Variants in XPNPEP2 observed in about 807,000 individuals in gnomAD.
XPNPEP2 encodes the protein xaa-Pro aminopeptidase 2.
A neutral mutation model predicts 59.8 loss-of-function variants in XPNPEP2; 64 were observed. The observed-to-expected ratio is 1.07, with a 90% CI of 0.87 to 1.32. The LOEUF is 1.32. Ranked by LOEUF, XPNPEP2 falls within the 40% of genes most tolerant of loss-of-function variation. The pLI, the probability that XPNPEP2 is intolerant of heterozygous loss-of-function variation, is 0.00. For missense variants in XPNPEP2, 575 were observed against 546.8 expected (o/e 1.05, Z -0.51); for synonymous variants, 235 against 210.0 (o/e 1.12, Z -1.03).
intron 15 of XPNPEP2, 71 bp from the exon 16 acceptor site, chrX:129,760,441 A>G: frequency 1.8e-6 from 2 of 1,088,469 alleles, no homozygotes; most frequent in South Asian, 2.0e-5. Flanking sequence ...GTGTATCCAT[A>G]GGCCAAGCAG....
intron 15 of XPNPEP2, among the ~76,000 whole-genome samples, chrX:129,760,188 G>A (rs776146003): frequency 4.4e-4 from 50 of 112,694 alleles, no homozygotes; most frequent in African/African-American, 1.5e-3. Context: ...AGGTCTCAGA[G>A]TGAGTGGCTA....
intron 19 of XPNPEP2, among the ~76,000 whole-genome samples, chrX:129,763,683 A>C (rs1421330524): frequency 1.8e-5 from 2 of 111,239 alleles, no homozygotes; most frequent in South Asian, 7.6e-4. Context: ...AAAAAAAAGC[A>C]ATAAGAAAAG....
rs752282415 is a variant in XPNPEP2, at chrX:129,760,533, A to T, written c.1450A>T (p.Ile484Leu). Residue 484 changes from isoleucine to leucine, a missense_variant, in exon 16 of 21, where the codon ATA becomes TTA. Physicochemically the swap from Ile to Leu is conservative, Grantham distance 5. Coordinates refer to ENST00000371106, the MANE Select transcript of XPNPEP2 (RefSeq NM_003399.6). ...TCAGGAGGCATACACCCGTGTGCTG[A>T]TAGGAAATATTGACCTGTCCAGGCT... is the stretch of plus-strand genomic sequence containing the variant. Reference protein sequence around the residue: ...FQKEAYTRVLIGNIDLSRLIF... With the variant: ...FQKEAYTRVLLGNIDLSRLIF... 4.1e-6 allele frequency: 5 copies of T among 1,210,768 alleles called. No individual in the cohort carries two copies. In the African/African-American group the frequency reaches 8.7e-5, roughly 21 times the overall value.
At chrX:129,755,236 G>A (rs1174336484) in intron 12 of XPNPEP2, 58 bp from the exon 13 acceptor site, 41 of 1,103,846 alleles carry the variant, frequency 3.7e-5, no homozygotes, top group South Asian at 9.3e-5. Context: ...TAGATATCCC[G>A]GGCCCAGCCT....
rs766580938 is a variant in XPNPEP2, at chrX:129,762,034, C to T, written c.1632C>T (p.Ile544=). The T allele has an allele frequency of 9.9e-6, 12 of 1,210,183 alleles. No homozygotes were observed. The East Asian group carries it at 1.8e-4, about 18-fold the overall frequency. Residue 544 remains isoleucine, a synonymous_variant, in exon 18 of 21, where the codon ATC becomes ATT. Transcript: ENST00000371106. The part of the protein sequence containing the change: ...EWPVGFQSNN[I]AMAKGMFTSI... The stretch of plus-strand genomic sequence containing the variant: ...CAGTGGGATTCCAGTCCAACAACAT[C>T]GCTATGGCCAAGGGCATGTTCACTT...
chrX:129,757,287 C>T (rs1926543708), intron 14 of XPNPEP2, among the ~76,000 whole-genome samples: 1 of 108,283 alleles, frequency 9.2e-6, no homozygotes, highest in African/African-American at 3.4e-5. Context: ...AGCAACTATA[C>T]TCAATGTCCC....
At chrX:129,744,124 C>A in intron 3 of XPNPEP2, 53 bp downstream of exon 3, 1 of 1,044,972 alleles carries the variant, frequency 9.6e-7, no homozygotes, top group Non-Finnish European at 1.3e-6. Flanking sequence ...GGGTCAGAGA[C>A]CACAAACAGG....
chrX:129,769,453 T>C lies in XPNPEP2; in HGVS notation c.*968T>C, dbSNP rs2124057865. 8.9e-6 allele frequency: 1 copy of C among 112,431 alleles called. No homozygotes were observed. Among genetic ancestry groups the C allele is most frequent in the South Asian group, 3.7e-4 (1 of 2,736 alleles). 9.3% of individuals were successfully genotyped at this position (112,431 alleles called of 1,213,427 possible). A position where few individuals can be genotyped will look rare whatever the true frequency, so the allele number is the denominator to read the frequency against. On this transcript the variant is annotated 3_prime_UTR_variant, in exon 21 of 21. Transcript: ENST00000371106. ...TCCTCATTCTCTGAACCCACTGTGG[T>C]GAGAAGAATTTGCTCCGGCCAAATT...
At chrX:129,742,267 C>A (rs1268079287) in intron 2 of XPNPEP2, 86 bp downstream of exon 2, 16 of 495,353 alleles carry the variant, frequency 3.2e-5, no homozygotes, top group African/African-American at 2.9e-4. Flanking sequence ...CACCGCAGCA[C>A]CCCCGCCCTG....
rs961077236 is a variant in XPNPEP2 at position 129,745,862 on chromosome X, T to G, written c.299-374T>G. The stretch of plus-strand genomic sequence containing the variant: ...CTCTTTTTCCCTTTGCCAAAGTCTC[T>G]GGATTATTCTTGCCCAGCAGTCCTC... On this transcript the variant is annotated intron_variant, in intron 4 of 20. Transcript: ENST00000371106. Among the ~76,000 whole-genome samples, 9 of 111,470 alleles carry G rather than the reference T, an allele frequency of 8.1e-5. No homozygotes were observed. The East Asian group carries it at 2.3e-3, about 28-fold the overall frequency.
chrX:129,751,535 G>GAAGAAAGA lies in XPNPEP2; in HGVS notation c.740-154_740-147dup, dbSNP rs1178245774. 6.2e-3 allele frequency among the ~76,000 whole-genome samples: 314 copies of GAAGAAAGA among 50,852 alleles called. 7 individuals are homozygous for GAAGAAAGA. Among genetic ancestry groups the GAAGAAAGA allele is most frequent in the Non-Finnish European group, 7.0e-3 (190 of 26,998 alleles). 44.2% of individuals were successfully genotyped at this position (50,852 alleles called of 115,157 possible). The stretch of plus-strand genomic sequence containing the variant: ...AGAAAAGAAAGAAAAAGAAAGAAAG[G>GAAGAAAGA]AAGAAAGAAAGAAAGAAAGAAAGAA... On this transcript the variant is annotated intron_variant, in intron 8 of 20. Transcript: ENST00000371106.
intron 8 of XPNPEP2, among the ~76,000 whole-genome samples, chrX:129,751,531 A>G (rs903420364): frequency 2.4e-5 from 2 of 83,147 alleles, no homozygotes; most frequent in African/African-American, 9.3e-5. Context: ...AAAAAGAAAG[A>G]AAGGAAGAAA....
chrX:129,751,595 AAAGG>A (rs201428707), intron 8 of XPNPEP2, 146 bp from the exon 9 acceptor site: 9,014 of 196,287 alleles, frequency 0.046, 178 homozygotes, highest in Middle Eastern at 0.11. Context: ...AGAAAGAAAG[AAAGG>A]AAGGAAGGAA....
rs1926410043 is a variant in XPNPEP2 at position 129,751,586 on chromosome X, GAAAGAAAGA to G, written c.740-156_740-148del. On this transcript the variant is annotated intron_variant, in intron 8 of 20. Coordinates refer to ENST00000371106, the MANE Select transcript of XPNPEP2 (RefSeq NM_003399.6). ...AGAAAGAAAGAAAGAAAGAAAGAAA[GAAAGAAAGA>G]AAGGAAGGAAGGAAGGAAGGAAGGA... is the stretch of plus-strand genomic sequence containing the variant. 4.9e-3 allele frequency among the ~76,000 whole-genome samples: 355 copies of G among 71,899 alleles called. 1 individual carries two copies. The highest frequency in any genetic ancestry group is 8.5e-3 in the Admixed American group (52 of 6,148). The allele number at this position is 71,899 out of a possible 115,157, so 62.4% of individuals were successfully genotyped here.
At chrX:129,751,654 AGAAG>A (rs1926420602) in intron 8 of XPNPEP2, 87 bp from the exon 9 acceptor site, 2 of 607,008 alleles carry the variant, frequency 3.3e-6, no homozygotes, top group South Asian at 3.5e-5. Context: ...GAGGAAGGAA[AGAAG>A]GAAGGAAGGA....
chrX:129,759,844 C>T (rs1926623548), intron 15 of XPNPEP2, among the ~76,000 whole-genome samples: 1 of 112,479 alleles, frequency 8.9e-6, no homozygotes, highest in African/African-American at 3.2e-5. Context: ...AAGTGACAAG[C>T]CTGTGAACCT....
chrX:129,759,086 T>A, intron 14 of XPNPEP2, 94 bp from the exon 15 acceptor site: 1 of 1,067,167 alleles, frequency 9.4e-7, no homozygotes, highest in Non-Finnish European at 1.3e-6. Flanking sequence ...ACCCATCCCA[T>A]CCCAGCCCTG....
At position 129,739,030 on chromosome X, in the gene XPNPEP2, GC is replaced by G; in HGVS notation, c.-181del. ...TCCTCTGCCCACCCTGGCTCCCAGA[GC>G]CCTCCAAAACAAAAGACCAGAGAAG... On this transcript the variant is annotated 5_prime_UTR_variant, in exon 1 of 21. Transcript: ENST00000371106. The G allele has an allele frequency of 2.1e-6, 1 of 478,207 alleles. No homozygotes were observed. Among genetic ancestry groups the G allele is most frequent in the Non-Finnish European group, 3.6e-6 (1 of 278,975 alleles). The allele number at this position is 478,207 out of a possible 1,213,427, so 39.4% of individuals were successfully genotyped here.
At chrX:129,754,120 A>G (rs934457335) in intron 11 of XPNPEP2, among the ~76,000 whole-genome samples, 13 of 111,900 alleles carry the variant, frequency 1.2e-4, no homozygotes, top group African/African-American at 4.2e-4. Context: ...AAATAGCATC[A>G]TAATCTCCAG....
Sources: gnomAD v4.1 joint callset for allele counts (sites outside exome capture counted in the v4.1 genomes callset) on GRCh38, gnomAD v4.1.1 for gene constraint, MANE v1.5 for transcripts, NCBI Gene and HGNC (gene_info 2026-07-23, HGNC 2026-07-21) for gene names.